IL1RL2: variants seen among roughly 807,000 people sequenced by gnomAD.
IL1RL2 encodes the protein interleukin-1 receptor-like 2.
IL1RL2 carries 68 observed loss-of-function variants against 66.8 expected under a neutral mutation model. That is an observed-to-expected ratio of 1.02 (90% CI 0.84 to 1.25). IL1RL2 has a LOEUF of 1.25. IL1RL2 is among the 50% of genes most tolerant of loss of function. IL1RL2 has a pLI of 0.00. For synonymous variants in IL1RL2, 305 were observed against 264.6 expected, an observed-to-expected ratio of 1.15 and a Z score of -1.48; for missense variants, 729 against 709.3, an observed-to-expected ratio of 1.03 and a Z score of -0.32.
chr2:102,229,951 G>GGTTT (rs1446783188), intron 9 of IL1RL2, among the ~76,000 whole-genome samples: 1 of 152,170 alleles, frequency 6.6e-6, no homozygotes, highest in Non-Finnish European at 1.5e-5. Flanking sequence ...TAGCACACAA[G>GGTTT]GTTTGTTTGT....
intron 9 of IL1RL2, among the ~76,000 whole-genome samples, chr2:102,229,914 G>T (rs961851278): frequency 2.6e-5 from 4 of 152,192 alleles, no homozygotes; most frequent in African/African-American, 9.7e-5. Flanking sequence ...AGGGAACAGG[G>T]AACATTCGCA....
chr2:102,188,549 C>T (rs1686923457), intron 2 of IL1RL2, among the ~76,000 whole-genome samples: 1 of 143,560 alleles, frequency 7.0e-6, no homozygotes, highest in Non-Finnish European at 1.5e-5. Flanking sequence ...GATTGAGCCT[C>T]TGCACTCCAG....
intron 6 of IL1RL2, among the ~76,000 whole-genome samples, chr2:102,213,640 G>A (rs568031535): frequency 6.8e-4 from 103 of 152,058 alleles, no homozygotes; most frequent in Non-Finnish European, 1.2e-3. Flanking sequence ...GTGAGAATAC[G>A]TCATATCAAA....
intron 8 of IL1RL2, among the ~76,000 whole-genome samples, chr2:102,224,506 G>C (rs1244004667): frequency 1.3e-5 from 2 of 152,182 alleles, no homozygotes; most frequent in Non-Finnish European, 2.9e-5. Flanking sequence ...TCATTTGTGA[G>C]AACTAAAAAA....
intron 8 of IL1RL2, among the ~76,000 whole-genome samples, chr2:102,222,354 G>T (rs1002483772): frequency 1.3e-5 from 2 of 152,180 alleles, no homozygotes; most frequent in African/African-American, 4.8e-5. Flanking sequence ...CTGCTTGTGT[G>T]TCTGTGTACC....
upstream of IL1RL2, chr2:102,187,010 G>A: frequency 7.8e-7 from 1 of 1,289,626 alleles, no homozygotes; most frequent in South Asian, 1.2e-5. Flanking sequence ...AGGCATGGAA[G>A]TGGCATGACA....
Position 102,226,048 on chromosome 2 carries a change from G to A in IL1RL2, c.1135+7G>A, listed in dbSNP as rs755077375. 3 of 1,567,160 alleles carry A rather than the reference G, an allele frequency of 1.9e-6. No homozygotes were observed. Among genetic ancestry groups the A allele is most frequent in the African/African-American group, 1.4e-5 (1 of 72,314 alleles). ...TCTACAGAGACCATAGTAGGTAAGT[G>A]TGTGTAATCACTGAAAAATGCCTCA... On this transcript the variant is annotated splice_region_variant and intron_variant, in intron 9 of 11. Transcript: ENST00000264257.
At position 102,235,107 on chromosome 2, in the gene IL1RL2, A is replaced by T. The variant is rs1316143975; in HGVS notation, c.1508A>T (p.Tyr503Phe). The T allele has an allele frequency of 1.2e-6, 2 of 1,614,130 alleles. No individual in the cohort carries two copies. Among genetic ancestry groups the T allele is most frequent in the Admixed American group, 3.3e-5 (2 of 60,006 alleles). ...ACAGTCATGCCAGAGTCAATTCAGT[A>T]CATCAAACAGAAGCATGGTGCCATC... ...DYTVMPESIQ[Y>F]IKQKHGAIRW... is the part of the protein sequence containing the mutation. Residue 503 changes from tyrosine (Y) to phenylalanine (F), a missense_variant, in exon 11 of 12, where the codon TAC becomes TTC. Transcript: ENST00000264257.
intron 6 of IL1RL2, 22 bp from the exon 7 acceptor site, chr2:102,218,931 T>G: frequency 6.2e-7 from 1 of 1,600,674 alleles, no homozygotes. Context: ...CATTGAATAT[T>G]GATGATATTG....
chr2:102,222,570 A>G (rs2104846103), intron 8 of IL1RL2, among the ~76,000 whole-genome samples: 1 of 152,282 alleles, frequency 6.6e-6, no homozygotes, highest in South Asian at 2.1e-4. Flanking sequence ...TGTCACCTTC[A>G]TCTACCCCAC....
At chr2:102,235,640 A>G (rs1213390839) in intron 11 of IL1RL2, 3 of 985,244 alleles carry the variant, frequency 3.0e-6, no homozygotes, top group East Asian at 1.1e-4. Flanking sequence ...TGGCACCCAT[A>G]GAGTCTGAGA....
At chr2:102,211,466 CTG>C (rs1689163776) in intron 5 of IL1RL2, among the ~76,000 whole-genome samples, 1 of 152,124 alleles carries the variant, frequency 6.6e-6, no homozygotes, top group Non-Finnish European at 1.5e-5. Context: ...AAGAGGAAAA[CTG>C]AAGATATGAT....
At chr2:102,213,347 C>T (rs11678722) in intron 6 of IL1RL2, among the ~76,000 whole-genome samples, 40,097 of 152,070 alleles carry the variant, frequency 0.26, 6,313 homozygotes, top group East Asian at 0.38. Context: ...AATAACGATA[C>T]AGTAAATGTA....
At chr2:102,240,228 GC>G (rs778752029), downstream of IL1RL2, among the ~76,000 whole-genome samples, 3 of 152,052 alleles carry the variant, frequency 2.0e-5, no homozygotes, top group East Asian at 5.8e-4. Flanking sequence ...ATGCACAATA[GC>G]TTTTTTTCCC....
chr2:102,237,664 G>A (rs1675001305), intron 11 of IL1RL2, among the ~76,000 whole-genome samples: 1 of 152,184 alleles, frequency 6.6e-6, no homozygotes, highest in Non-Finnish European at 1.5e-5. Flanking sequence ...ACTTTTTAAA[G>A]TTCTACTAAT....
rs753346763 is a variant in IL1RL2 at position 102,192,083 on chromosome 2, C to T, written c.452C>T (p.Pro151Leu). The T allele has an allele frequency of 1.1e-5, 18 of 1,599,164 alleles. No homozygotes were observed. Among genetic ancestry groups the T allele is most frequent in the Admixed American group, 7.1e-5 (4 of 56,394 alleles). Residue 151 changes from proline to leucine, a missense_variant, in exon 4 of 12, where the codon CCG (proline) becomes CTG (leucine). Physicochemically the swap from Pro to Leu is moderately conservative, Grantham distance 98. Transcript: ENST00000264257. The stretch of plus-strand genomic sequence containing the variant: ...AGTCTCACATGTCATCTGCACTTCC[C>T]GAAGAGTTGTGTTTTGGGTCCAATA... Reference protein sequence around the residue: ...DDSLTCHLHFPKSCVLGPIKW... With the variant: ...DDSLTCHLHFLKSCVLGPIKW...
chr2:102,204,502 T>C (rs1293732249), intron 5 of IL1RL2, among the ~76,000 whole-genome samples: 2 of 152,168 alleles, frequency 1.3e-5, no homozygotes, highest in African/African-American at 4.8e-5. Flanking sequence ...CAGCTATTAT[T>C]GTATTGGAGC....
intron 11 of IL1RL2, among the ~76,000 whole-genome samples, chr2:102,236,794 T>G (rs1559569382): frequency 6.6e-6 from 1 of 152,120 alleles, no homozygotes; most frequent in Non-Finnish European, 1.5e-5. Context: ...TAAAATACAT[T>G]TTAAGAATAA....
chr2:102,228,966 C>A (rs141077825), intron 9 of IL1RL2, among the ~76,000 whole-genome samples: 3 of 151,978 alleles, frequency 2.0e-5, no homozygotes, highest in Middle Eastern at 3.4e-3. Flanking sequence ...AATGTCATAG[C>A]GTGTTTTGTG....
Sources: allele counts gnomAD v4.1 joint callset (sites outside exome capture counted in the v4.1 genomes callset), GRCh38; gene constraint gnomAD v4.1.1; transcripts MANE v1.5; gene names NCBI Gene and HGNC (gene_info 2026-07-23, HGNC 2026-07-21).